The following SNX24 variants were observed in gnomAD, a reference collection of about 807,000 sequenced individuals.
The protein encoded by SNX24 is sorting nexin 24, also known as sorting nexin-24.
In SNX24, 22 loss-of-function variants were observed where a neutral mutation model predicts 28.7. That is an observed-to-expected ratio of 0.77 (90% CI 0.55 to 1.10). SNX24 has a LOEUF of 1.10. Among genes scored for constraint, SNX24 ranks in the 50% least tolerant of loss-of-function variants. The pLI is 0.00. For missense variants in SNX24, 221 were observed against 201.1 expected (o/e 1.10, Z -0.60); for synonymous variants, 69 against 71.5 (o/e 0.96, Z 0.18).
chr5:122,848,541 TAA>T (rs33950601), intron 1 of SNX24, among the ~76,000 whole-genome samples: 7 of 135,142 alleles, frequency 5.2e-5, no homozygotes, highest in Non-Finnish European at 7.9e-5. Context: ...CATCTCTACT[TAA>T]AAAAAAAAAA....
At chr5:122,916,550 T>C (rs565955258) in intron 1 of SNX24, among the ~76,000 whole-genome samples, 1 of 152,368 alleles carries the variant, frequency 6.6e-6, no homozygotes, top group South Asian at 2.1e-4. Flanking sequence ...ATCCTGATGC[T>C]TCCTTACCAA....
intron 3 of SNX24, among the ~76,000 whole-genome samples, chr5:122,985,197 G>T (rs1017457176): frequency 6.6e-6 from 1 of 152,252 alleles, no homozygotes; most frequent in Admixed American, 6.5e-5. Flanking sequence ...ATCCTCCTTG[G>T]TTGAGTCTTA....
intron 1 of SNX24, among the ~76,000 whole-genome samples, chr5:122,905,815 A>C (rs933813767): frequency 2.0e-5 from 3 of 152,192 alleles, no homozygotes; most frequent in Non-Finnish European, 4.4e-5. Context: ...ACTCAAATTT[A>C]AATGATTTTT....
chr5:122,950,601 A>G (rs1361217925), intron 3 of SNX24, among the ~76,000 whole-genome samples: 2 of 152,174 alleles, frequency 1.3e-5, no homozygotes, highest in Non-Finnish European at 2.9e-5. Flanking sequence ...ATTTCACAGA[A>G]GAAAGAAGCA....
intron 1 of SNX24, among the ~76,000 whole-genome samples, chr5:122,860,007 A>G (rs1456189250): frequency 1.3e-5 from 2 of 152,200 alleles, no homozygotes; most frequent in Non-Finnish European, 2.9e-5. Flanking sequence ...CTTAGAGACA[A>G]TAGGTGACAA....
chr5:122,911,155 G>A lies in SNX24; in HGVS notation c.61-25579G>A, dbSNP rs567745922. On this transcript the variant is annotated intron_variant, in intron 1 of 6. Coordinates refer to ENST00000261369, the MANE Select transcript of SNX24 (RefSeq NM_014035.4). Reference sequence around the variant, plus strand: ...GTTGTTTCCTGACTTTTTAATGATTGCCATTCTAACTGGAGTGAGATGGTA... The same window carrying A: ...GTTGTTTCCTGACTTTTTAATGATTACCATTCTAACTGGAGTGAGATGGTA... 3.9e-5 allele frequency among the ~76,000 whole-genome samples: 6 copies of A among 152,240 alleles called. No individual in the cohort carries two copies. In the East Asian group the frequency reaches 7.7e-4, roughly 20 times the overall value.
chr5:122,901,932 C>T (rs2150080399), intron 1 of SNX24, among the ~76,000 whole-genome samples: 1 of 152,300 alleles, frequency 6.6e-6, no homozygotes, highest in African/African-American at 2.4e-5. Context: ...ATATCCGTTC[C>T]ATCTTTCTCT....
Position 122,974,478 on chromosome 5 carries a change from A to G in SNX24, c.250-25434A>G, listed in dbSNP as rs1026023646. 2.6e-5 allele frequency among the ~76,000 whole-genome samples: 4 copies of G among 152,348 alleles called. No homozygotes were observed. In the Middle Eastern group the frequency reaches 0.01, roughly 389 times the overall value. ...TTGCTGGCCTTGCCAGCTGAAAGCA[A>G]ATTACTTCTGGTGGGCCTTATGGAC... On this transcript the variant is annotated intron_variant, in intron 3 of 6. Transcript: ENST00000261369.
intron 3 of SNX24, among the ~76,000 whole-genome samples, chr5:122,971,536 T>G (rs1234986132): frequency 2.6e-5 from 4 of 152,192 alleles, no homozygotes; most frequent in African/African-American, 9.6e-5. Context: ...AATGAGGTCA[T>G]AATTATGTGT....
chr5:122,868,064 G>A (rs1180633541), intron 1 of SNX24, among the ~76,000 whole-genome samples: 4 of 152,194 alleles, frequency 2.6e-5, no homozygotes, highest in African/African-American at 4.8e-5. Flanking sequence ...TGCACTTCCA[G>A]TTAATACCTG....
At chr5:122,921,019 C>G (rs920134130) in intron 1 of SNX24, among the ~76,000 whole-genome samples, 1 of 152,144 alleles carries the variant, frequency 6.6e-6, no homozygotes. Flanking sequence ...AGCCACCATG[C>G]CCAGCCAATA....
intron 1 of SNX24, among the ~76,000 whole-genome samples, chr5:122,929,271 G>A (rs1396100389): frequency 6.6e-6 from 1 of 152,114 alleles, no homozygotes; most frequent in African/African-American, 2.4e-5. Context: ...CACAGTGCTT[G>A]TCCCTCCTCT....
At chr5:122,997,643 C>T (rs1202890248) in intron 3 of SNX24, among the ~76,000 whole-genome samples, 1 of 152,214 alleles carries the variant, frequency 6.6e-6, no homozygotes, top group Non-Finnish European at 1.5e-5. Flanking sequence ...CCCCTGAACA[C>T]TCAAGAGATG....
At chr5:122,894,567 G>A (rs1757120316) in intron 1 of SNX24, among the ~76,000 whole-genome samples, 1 of 152,058 alleles carries the variant, frequency 6.6e-6, no homozygotes. Context: ...CATTGGGGTT[G>A]TTTTTCAGCG....
At chr5:122,927,212 A>G (rs963366396) in intron 1 of SNX24, among the ~76,000 whole-genome samples, 14 of 152,310 alleles carry the variant, frequency 9.2e-5, no homozygotes, top group African/African-American at 3.1e-4. Context: ...ACTTGCTCCA[A>G]ATCATAGAGT....
chr5:122,926,060 A>G (rs1758681823), intron 1 of SNX24, among the ~76,000 whole-genome samples: 1 of 152,268 alleles, frequency 6.6e-6, no homozygotes, highest in Admixed American at 6.5e-5. Context: ...GTAAATGCAC[A>G]GAAGAAAAGT....
chr5:122,850,367 C>G (rs1289846185), intron 1 of SNX24, among the ~76,000 whole-genome samples: 2 of 152,152 alleles, frequency 1.3e-5, no homozygotes, highest in Non-Finnish European at 2.9e-5. Flanking sequence ...TGCCCATGAC[C>G]TCATCACTTC....
intron 1 of SNX24, among the ~76,000 whole-genome samples, chr5:122,912,710 G>A (rs573905004): frequency 1.0e-4 from 15 of 149,050 alleles, no homozygotes; most frequent in South Asian, 8.5e-4. Context: ...GGCCTTTTCT[G>A]CATCTATTGA....
chr5:122,898,918 T>C (rs1757318551), intron 1 of SNX24, among the ~76,000 whole-genome samples: 2 of 152,230 alleles, frequency 1.3e-5, no homozygotes, highest in African/African-American at 4.8e-5. Flanking sequence ...GTTTAGGAAC[T>C]GGAGTCAGAG....
Sources: allele counts gnomAD v4.1 joint callset (sites outside exome capture counted in the v4.1 genomes callset), GRCh38; gene constraint gnomAD v4.1.1; transcripts MANE v1.5; gene names NCBI Gene and HGNC (gene_info 2026-07-23, HGNC 2026-07-21).